NSUN3: variants seen among roughly 807,000 people sequenced by gnomAD.
NSUN3 encodes NOP2/Sun RNA methyltransferase 3.
NSUN3 carries 24 observed loss-of-function variants against 36.8 expected under a neutral mutation model. The observed-to-expected ratio is 0.65, with a 90% CI of 0.47 to 0.92. The LOEUF is 0.92. Ranked by LOEUF, NSUN3 falls within the 40% of genes least tolerant of loss-of-function variation. The probability of loss-of-function intolerance (pLI) is 0.00; values close to 1 mark genes in which losing one functional copy is unlikely to be tolerated. For synonymous variants in NSUN3, 146 were observed against 145.2 expected, an observed-to-expected ratio of 1.01 and a Z score of -0.04; for missense variants, 381 against 392.8, an observed-to-expected ratio of 0.97 and a Z score of 0.25.
intron 3 of NSUN3, among the ~76,000 whole-genome samples, chr3:94,087,392 C>T (rs2077296274): frequency 6.6e-6 from 1 of 152,142 alleles, no homozygotes; most frequent in Non-Finnish European, 1.5e-5. Flanking sequence ...TGAATGATTA[C>T]AAAGCTTATG....
intron 2 of NSUN3, among the ~76,000 whole-genome samples, chr3:94,067,582 T>C (rs991185713): frequency 1.9e-4 from 29 of 152,342 alleles, no homozygotes; most frequent in African/African-American, 7.0e-4. Flanking sequence ...CCCAATCTCT[T>C]ATCTGGCATA....
rs2077506474 is a variant in NSUN3 at position 94,130,875 on chromosome 3, C to T, written c.*4385C>T. ...AGGTGCCAGGCCAGTCCTGCAAAGC[C>T]AGCAAAGTTTCATTTTCATTCAACC... is the stretch of plus-strand genomic sequence containing the variant. On this transcript the variant is annotated 3_prime_UTR_variant, in exon 6 of 6. Transcript: ENST00000314622. Among the ~76,000 whole-genome samples, 1 of 152,138 alleles carries T rather than the reference C, an allele frequency of 6.6e-6. No individual in the cohort carries two copies. Among genetic ancestry groups the T allele is most frequent in the East Asian group, 1.9e-4 (1 of 5,186 alleles).
At chr3:94,068,663 A>G (rs868042918) in intron 2 of NSUN3, among the ~76,000 whole-genome samples, 14 of 152,332 alleles carry the variant, frequency 9.2e-5, no homozygotes, top group Middle Eastern at 3.4e-3. Flanking sequence ...TGGAAATTTT[A>G]CATGTACTTT....
At chr3:94,114,944 C>A (rs1325876598) in intron 5 of NSUN3, among the ~76,000 whole-genome samples, 1 of 151,792 alleles carries the variant, frequency 6.6e-6, no homozygotes. Context: ...GACATGGTTT[C>A]TTTCTTTTTT....
intron 5 of NSUN3, among the ~76,000 whole-genome samples, chr3:94,102,212 A>AAC (rs1340437668): frequency 5.3e-5 from 8 of 151,038 alleles, no homozygotes; most frequent in Non-Finnish European, 1.2e-4. Flanking sequence ...TAAAAAAAAA[A>AAC]AAAAAAAAAA....
At chr3:94,081,701 C>G (rs1026513674) in intron 2 of NSUN3, 2 of 151,978 alleles carry the variant, frequency 1.3e-5, no homozygotes, top group Admixed American at 1.3e-4. Context: ...AAACAATAAG[C>G]TTAAAAGGAA....
Position 94,115,008 on chromosome 3 carries a change from G to A in NSUN3, c.744-11203G>A, listed in dbSNP as rs1374300750. Among the ~76,000 whole-genome samples the A allele has an allele frequency of 5.9e-5, 9 of 152,134 alleles. No individual in the cohort carries two copies. The South Asian group carries it at 1.9e-3, about 32-fold the overall frequency. ...GAAAGTGTAAGAATTTCCTCATGGA[G>A]GAATATGTACATGTGTCCAGTGTTC... On this transcript the variant is annotated intron_variant, in intron 5 of 5. Coordinates refer to ENST00000314622, the MANE Select transcript of NSUN3 (RefSeq NM_022072.5).
chr3:94,063,873 GT>G (rs2077192368), intron 1 of NSUN3: 1 of 151,116 alleles, frequency 6.6e-6, no homozygotes, highest in Admixed American at 6.6e-5. Context: ...CTCTCGCCTC[GT>G]CCCTGCAAAG....
At chr3:94,109,646 T>C (rs533735506) in intron 5 of NSUN3, among the ~76,000 whole-genome samples, 112 of 152,308 alleles carry the variant, frequency 7.4e-4, no homozygotes, top group African/African-American at 2.6e-3. Context: ...TGCAGAAAAG[T>C]TGGTGGATTC....
intron 4 of NSUN3, 45 bp from the exon 5 acceptor site, chr3:94,094,988 A>G: frequency 6.2e-7 from 1 of 1,601,756 alleles, no homozygotes; most frequent in Non-Finnish European, 8.5e-7. Context: ...GCCTGAGAAT[A>G]GATTGTCAGT....
At chr3:94,076,224 A>G in intron 2 of NSUN3, 2 of 916,216 alleles carry the variant, frequency 2.2e-6, no homozygotes, top group East Asian at 2.4e-5. Context: ...TGAACCTGGA[A>G]TATTTCATCC....
intron 5 of NSUN3, among the ~76,000 whole-genome samples, 156 bp from the exon 6 acceptor site, chr3:94,126,053 CTG>C: frequency 6.6e-6 from 1 of 150,434 alleles, no homozygotes; most frequent in Admixed American, 6.6e-5. Flanking sequence ...AAGTTAGACT[CTG>C]TCTCAAAAAA....
In NSUN3 at chr3:94,084,185, G is replaced by T; in HGVS notation, c.201G>T (p.Lys67Asn). The change falls in exon 3 of 6, where the codon AAG becomes AAT. Residue 67 changes from lysine to asparagine, a missense_variant. Coordinates refer to ENST00000314622, the MANE Select transcript of NSUN3 (RefSeq NM_022072.5). Reference protein sequence around the residue: ...NRFNYPFELEKDLHLKGYHTL... With the variant: ...NRFNYPFELENDLHLKGYHTL... Reference sequence around the variant, plus strand: ...TCAATTATCCTTTTGAACTGGAAAAGGATTTACATTTGAAGGGCTATCACA... The same window carrying T: ...TCAATTATCCTTTTGAACTGGAAAATGATTTACATTTGAAGGGCTATCACA... 6.2e-7 allele frequency: 1 copy of T among 1,614,118 alleles called. No homozygotes were observed. Among genetic ancestry groups the T allele is most frequent in the South Asian group, 1.1e-5 (1 of 91,072 alleles).
intron 5 of NSUN3, among the ~76,000 whole-genome samples, chr3:94,097,326 C>T (rs907895559): frequency 2.6e-5 from 4 of 151,688 alleles, no homozygotes; most frequent in African/African-American, 9.7e-5. Context: ...TTTAAAATAA[C>T]TTTTATCATG....
intron 5 of NSUN3, among the ~76,000 whole-genome samples, chr3:94,121,450 C>A (rs562679055): frequency 2.0e-5 from 3 of 152,152 alleles, no homozygotes; most frequent in Non-Finnish European, 4.4e-5. Context: ...CTGCACATAG[C>A]CTTTTCCCAT....
At chr3:94,126,172 T>C in intron 5 of NSUN3, 39 bp from the exon 6 acceptor site, 1 of 1,563,450 alleles carries the variant, frequency 6.4e-7, no homozygotes, top group East Asian at 2.3e-5. Flanking sequence ...CTTTTTAATA[T>C]ACTTAACTAA....
At chr3:94,114,055 C>G (rs910069228) in intron 5 of NSUN3, among the ~76,000 whole-genome samples, 2 of 152,192 alleles carry the variant, frequency 1.3e-5, no homozygotes, top group African/African-American at 4.8e-5. Flanking sequence ...GTAAGATTCT[C>G]AGGTCATTGC....
chr3:94,078,536 G>A (rs553869157), intron 2 of NSUN3, among the ~76,000 whole-genome samples: 11 of 152,250 alleles, frequency 7.2e-5, no homozygotes, highest in African/African-American at 2.4e-4. Flanking sequence ...TGACAGCGGG[G>A]TGTTAAAGTC....
intron 2 of NSUN3, among the ~76,000 whole-genome samples, chr3:94,070,925 G>T (rs2077222721): frequency 6.6e-6 from 1 of 152,222 alleles, no homozygotes; most frequent in African/African-American, 2.4e-5. Flanking sequence ...ATGATAGGTT[G>T]CTAAGTGATT....
Sources: gnomAD v4.1 joint callset for allele counts (sites outside exome capture counted in the v4.1 genomes callset) on GRCh38, gnomAD v4.1.1 for gene constraint, MANE v1.5 for transcripts, NCBI Gene and HGNC (gene_info 2026-07-23, HGNC 2026-07-21) for gene names.